Variants in ETS1 observed in about 807,000 individuals in gnomAD.
ETS1 encodes protein C-ets-1.
ETS1 carries 15 observed loss-of-function variants against 58.6 expected under a neutral mutation model. That is an observed-to-expected ratio of 0.26 (90% CI 0.17 to 0.39). ETS1 has a LOEUF of 0.39. Among genes scored for constraint, ETS1 ranks in the 10% least tolerant of loss-of-function variants. ETS1 has a pLI of 1.00. For synonymous variants in ETS1, 214 were observed against 218.2 expected, an observed-to-expected ratio of 0.98 and a Z score of 0.17; for missense variants, 417 against 610.5, an observed-to-expected ratio of 0.68 and a Z score of 3.34.
chr11:128,465,275 TC>T (rs1490860470), intron 8 of ETS1, among the ~76,000 whole-genome samples: 3 of 152,218 alleles, frequency 2.0e-5, no homozygotes, highest in Admixed American at 6.5e-5. Context: ...TTACATGTAT[TC>T]CACAATAAAA....
chr11:128,533,887 G>A (rs753713271), intron 3 of ETS1, among the ~76,000 whole-genome samples: 7 of 152,192 alleles, frequency 4.6e-5, no homozygotes, highest in Admixed American at 1.3e-4. Flanking sequence ...ATAGATAACT[G>A]AGTAACTGAG....
chr11:128,463,719 T>C lies in ETS1; in HGVS notation c.1124-92A>G. The C allele has an allele frequency of 1.4e-6, 1 of 737,696 alleles. No homozygotes were observed. The highest frequency in any genetic ancestry group is 2.5e-6 in the Non-Finnish European group (1 of 405,184). The allele number at this position is 737,696 out of a possible 1,614,324, so 45.7% of individuals were successfully genotyped here. A position where few individuals can be genotyped will look rare whatever the true frequency, so the allele number is the denominator to read the frequency against. The stretch of plus-strand genomic sequence containing the variant: ...ACACGGCACTCCCACATCCCTCTTC[T>C]CTCAGCCCATCCAGCCAGGAGAAAA... On this transcript the variant is annotated intron_variant, in intron 8 of 9. Coordinates refer to ENST00000392668, the MANE Select transcript of ETS1 (RefSeq NM_001143820.2). The surrounding 1 kb of genome is among the most constrained non-coding windows in gnomAD (Gnocchi z 4.1).
intron 7 of ETS1, among the ~76,000 whole-genome samples, chr11:128,482,395 G>A (rs980473940): frequency 2.6e-5 from 4 of 152,104 alleles, no homozygotes; most frequent in African/African-American, 4.8e-5. Flanking sequence ...CATCAACACC[G>A]CACCAAGTCG....
chr11:128,466,667 T>G (rs1862045122), intron 8 of ETS1, among the ~76,000 whole-genome samples: 1 of 152,072 alleles, frequency 6.6e-6, no homozygotes, highest in South Asian at 2.1e-4. Context: ...GTCAGAGGAC[T>G]TTTGTCCTCA....
intron 3 of ETS1, chr11:128,497,647 T>G: frequency 1.1e-6 from 1 of 951,224 alleles, no homozygotes; most frequent in Non-Finnish European, 1.3e-6. Context: ...TGAAAGCAGT[T>G]GTAATTCGGC....
intron 3 of ETS1, among the ~76,000 whole-genome samples, chr11:128,522,799 T>G (rs942209593): frequency 6.6e-6 from 1 of 152,168 alleles, no homozygotes; most frequent in African/African-American, 2.4e-5. Context: ...GTGAGGCATG[T>G]GGATGAAGGC....
chr11:128,555,141 C>T (rs1465958555), intron 3 of ETS1, among the ~76,000 whole-genome samples: 1 of 152,174 alleles, frequency 6.6e-6, no homozygotes, highest in Admixed American at 6.5e-5. Context: ...CTATTTCATT[C>T]TGCCCTGGAG....
At chr11:128,487,234 A>G (rs998520676) in intron 5 of ETS1, among the ~76,000 whole-genome samples, 3 of 152,176 alleles carry the variant, frequency 2.0e-5, no homozygotes, top group African/African-American at 7.2e-5. Context: ...GAAGAGGGAG[A>G]ATTCTTTCTG....
chr11:128,586,104 C>T (rs557399729), intron 1 of ETS1, among the ~76,000 whole-genome samples: 3 of 152,216 alleles, frequency 2.0e-5, no homozygotes, highest in Non-Finnish European at 4.4e-5. Context: ...CTCGGCTTGG[C>T]TTCCCACATC....
chr11:128,563,607 A>G (rs949922285), intron 2 of ETS1, among the ~76,000 whole-genome samples: 2 of 152,124 alleles, frequency 1.3e-5, no homozygotes, highest in Middle Eastern at 3.2e-3. Context: ...ACGACTGACA[A>G]CCTTCATTGG....
chr11:128,583,753 A>G (rs1461755473), intron 1 of ETS1, among the ~76,000 whole-genome samples: 1 of 152,090 alleles, frequency 6.6e-6, no homozygotes, highest in East Asian at 1.9e-4. Context: ...CATTGAGAAT[A>G]TTTTCCTGAC....
intron 3 of ETS1, among the ~76,000 whole-genome samples, chr11:128,538,632 A>T (rs1247185417): frequency 6.6e-6 from 1 of 152,202 alleles, no homozygotes; most frequent in African/African-American, 2.4e-5. Context: ...AATTCACAGA[A>T]TCTTTGGTAA....
chr11:128,522,150 C>A, intron 3 of ETS1: 1 of 1,316,338 alleles, frequency 7.6e-7, no homozygotes, highest in Non-Finnish European at 9.7e-7. Flanking sequence ...TTCCCCCGCG[C>A]CCGGACGGTG....
chr11:128,476,763 A>T (rs572981008), intron 8 of ETS1, among the ~76,000 whole-genome samples: 19 of 152,386 alleles, frequency 1.2e-4, no homozygotes, highest in African/African-American at 4.3e-4. Context: ...TGTATCTTCG[A>T]ACAAAAGAAA....
Position 128,503,332 on chromosome 11 carries a change from C to T in ETS1, c.215-12756G>A, listed in dbSNP as rs529052508. ...GCTGGATACTGCTAGGGCCAACGAA[C>T]CCTAGGAGCCAAGAAATGGTTAAAA... On this transcript the variant is annotated intron_variant, in intron 3 of 9. Coordinates refer to ENST00000392668, the MANE Select transcript of ETS1 (RefSeq NM_001143820.2). Among the ~76,000 whole-genome samples, 23 of 152,250 alleles carry T rather than the reference C, an allele frequency of 1.5e-4. No individual in the cohort carries two copies. The Middle Eastern group carries it at 0.01, about 68-fold the overall frequency.
At position 128,556,368 on chromosome 11, in the gene ETS1, T is replaced by C. The variant is rs778776097; in HGVS notation, c.137A>G (p.Gln46Arg). Residue 46 changes from glutamine to arginine, a missense_variant, in exon 3 of 10, where the codon CAG becomes CGG. Transcript: ENST00000392668. ...CCAAAAGGGGTAGCAAGGTCTTTGC[T>C]GGTGATAATTGGACTGGAAACCACA... The part of the protein sequence containing the change: ...MNCGFQSNYH[Q>R]QRPCYPFWDE... 2.5e-6 allele frequency: 4 copies of C among 1,613,394 alleles called. No homozygotes were observed. The African/African-American group carries it at 5.3e-5, about 22-fold the overall frequency.
At chr11:128,504,439 T>A (rs774833902) in intron 3 of ETS1, among the ~76,000 whole-genome samples, 2 of 152,174 alleles carry the variant, frequency 1.3e-5, no homozygotes, top group Admixed American at 6.5e-5. Context: ...CTTTAACAAC[T>A]CCTTGGAGGG....
At chr11:128,476,743 G>T (rs1204856583) in intron 8 of ETS1, among the ~76,000 whole-genome samples, 2 of 152,218 alleles carry the variant, frequency 1.3e-5, no homozygotes, top group Admixed American at 1.3e-4. Context: ...TAATTAGAAG[G>T]GGTTCATAAT....
chr11:128,491,394 A>T (rs959970580), intron 3 of ETS1, among the ~76,000 whole-genome samples: 1 of 152,262 alleles, frequency 6.6e-6, no homozygotes, highest in Non-Finnish European at 1.5e-5. Context: ...TAAGGGCTTC[A>T]AAGGAGAAGT....
Sources: allele counts gnomAD v4.1 joint callset (sites outside exome capture counted in the v4.1 genomes callset), GRCh38; gene constraint gnomAD v4.1.1; non-coding constraint Gnocchi (gnomAD v3.1); transcripts MANE v1.5; gene names NCBI Gene and HGNC (gene_info 2026-07-23, HGNC 2026-07-21).